Variants in SULT2B1 observed in about 807,000 individuals in gnomAD.
SULT2B1 encodes sulfotransferase 2B1.
A neutral mutation model predicts 33.2 loss-of-function variants in SULT2B1; 16 were observed. The observed-to-expected ratio is 0.48, with a 90% CI of 0.33 to 0.73. The LOEUF (loss-of-function observed/expected upper bound fraction) is 0.73. SULT2B1 is among the 30% of genes least tolerant of loss of function. SULT2B1 has a pLI of 0.02. For missense variants in SULT2B1, 500 were observed against 506.0 expected (o/e 0.99, Z 0.11); for synonymous variants, 186 against 200.5 (o/e 0.93, Z 0.61).
chr19:48,562,590 T>C (rs561611656), intron 1 of SULT2B1, among the ~76,000 whole-genome samples: 21 of 152,164 alleles, frequency 1.4e-4, no homozygotes, highest in African/African-American at 3.9e-4. Context: ...ATCATATGCA[T>C]GTTTATATGG....
At chr19:48,580,530 G>C (rs1285267559) in intron 2 of SULT2B1, among the ~76,000 whole-genome samples, 1 of 152,182 alleles carries the variant, frequency 6.6e-6, no homozygotes. Context: ...AAAGTGCTGG[G>C]ATTATAGGCG....
At chr19:48,593,530 CGACAGAGCAAGACCTTGTTCCAAAAAATA>C (rs1187581884) in intron 5 of SULT2B1, among the ~76,000 whole-genome samples, 8 of 151,724 alleles carry the variant, frequency 5.3e-5, no homozygotes, top group African/African-American at 1.9e-4. Flanking sequence ...CCAGCCTGGG[CGACAGAGCAAGACCTTGTTCCAAAAAATA>C]GAAAGAAAAA....
chr19:48,595,968 G>A (rs1973707880), intron 5 of SULT2B1: 2 of 152,648 alleles, frequency 1.3e-5, no homozygotes, highest in African/African-American at 4.8e-5. Context: ...ATCTGTGCTT[G>A]AAAGCCGGGT....
In SULT2B1 at chr19:48,587,890, CAAAAAAAAAAAAAA is replaced by C. The variant is rs67551728; in HGVS notation, c.423+473_423+486del. On this transcript the variant is annotated intron_variant, in intron 3 of 6. Transcript: ENST00000201586. ...CCTAGGCAACAGGGCAAGACTGTCT[CAAAAAAAAAAAAAA>C]AAAAAAAAAAAAAAAAAAAGCCGGT... 4.5e-4 allele frequency among the ~76,000 whole-genome samples: 18 copies of C among 39,908 alleles called. No individual in the cohort carries two copies. In the East Asian group the frequency reaches 0.015, roughly 34 times the overall value. 26.2% of individuals were successfully genotyped at this position (39,908 alleles called of 152,430 possible). A position where few individuals can be genotyped will look rare whatever the true frequency, so the allele number is the denominator to read the frequency against.
chr19:48,577,382 T>TA (rs1973428564), intron 2 of SULT2B1, among the ~76,000 whole-genome samples: 2 of 132,442 alleles, frequency 1.5e-5, no homozygotes, highest in Non-Finnish European at 3.1e-5. Flanking sequence ...TTTTTTTTTT[T>TA]AGAGACAGAG....
At chr19:48,578,067 G>C (rs2147613846) in intron 2 of SULT2B1, among the ~76,000 whole-genome samples, 1 of 151,142 alleles carries the variant, frequency 6.6e-6, no homozygotes, top group Non-Finnish European at 1.5e-5. Flanking sequence ...AAAAAAATTA[G>C]CCAGGCGTGG....
At chr19:48,575,801 G>A in intron 1 of SULT2B1, 140 bp from the exon 2 acceptor site, 1 of 1,438,330 alleles carries the variant, frequency 7.0e-7, no homozygotes, top group Non-Finnish European at 9.2e-7. Context: ...AGTTTATAGG[G>A]ACAGTGTCAC....
intron 2 of SULT2B1, 103 bp from the exon 3 acceptor site, chr19:48,587,126 A>C: frequency 3.4e-6 from 3 of 872,308 alleles, no homozygotes; most frequent in Non-Finnish European, 3.6e-6. Flanking sequence ...AAAAATAATA[A>C]AAGGTGGCAA....
chr19:48,561,489 A>G (rs553935174), intron 1 of SULT2B1, among the ~76,000 whole-genome samples: 2 of 152,028 alleles, frequency 1.3e-5, no homozygotes, highest in African/African-American at 4.8e-5. Flanking sequence ...AAATAAATAA[A>G]TAATAAAGGT....
Position 48,597,595 on chromosome 19 carries a change from G to A in SULT2B1, c.826+676G>A, listed in dbSNP as rs184286557. On this transcript the variant is annotated intron_variant, in intron 6 of 6. Transcript: ENST00000201586. ...CCTGACCTTGTGATCCACCCGCCTC[G>A]GCCTCCCAAAGTGCTGGGATTACAG... is the stretch of plus-strand genomic sequence containing the variant. Among the ~76,000 whole-genome samples, 169 of 148,654 alleles carry A rather than the reference G, an allele frequency of 1.1e-3. 2 individuals are homozygous for A. The East Asian group carries it at 0.031, about 27-fold the overall frequency.
At chr19:48,586,996 G>C (rs10424976) in intron 2 of SULT2B1, among the ~76,000 whole-genome samples, 26,623 of 151,806 alleles carry the variant, frequency 0.18, 2,949 homozygotes, top group African/African-American at 0.3. Context: ...TGTAATGCTA[G>C]CTACTCGGCT....
intron 3 of SULT2B1, among the ~76,000 whole-genome samples, chr19:48,590,616 A>G (rs540847735): frequency 6.6e-6 from 1 of 152,190 alleles, no homozygotes; most frequent in East Asian, 2.0e-4. Context: ...AAAACAAAAC[A>G]AAACAAAAAA....
At chr19:48,568,850 C>T (rs1317270645) in intron 1 of SULT2B1, among the ~76,000 whole-genome samples, 2 of 151,652 alleles carry the variant, frequency 1.3e-5, no homozygotes, top group Non-Finnish European at 2.9e-5. Flanking sequence ...CAGCTCCAGT[C>T]CCACTCAGGC....
intron 3 of SULT2B1, among the ~76,000 whole-genome samples, chr19:48,590,238 C>T (rs1188748595): frequency 6.6e-6 from 1 of 152,084 alleles, no homozygotes; most frequent in African/African-American, 2.4e-5. Context: ...ATCCACCCGC[C>T]TTAGCCTCCC....
chr19:48,561,430 AAAAT>A (rs201088504), intron 1 of SULT2B1, among the ~76,000 whole-genome samples: 2 of 151,048 alleles, frequency 1.3e-5, no homozygotes, highest in African/African-American at 2.4e-5. Context: ...ACACTGTCTC[AAAAT>A]AAATAAATAA....
At position 48,581,100 on chromosome 19, in the gene SULT2B1, G is replaced by C. The variant is rs889643456; in HGVS notation, c.214+5017G>C. 5.9e-4 allele frequency among the ~76,000 whole-genome samples: 76 copies of C among 128,500 alleles called. 1 individual carries two copies. In the Middle Eastern group the frequency reaches 0.014, roughly 24 times the overall value. 84.3% of individuals were successfully genotyped at this position (128,500 alleles called of 152,430 possible). ...TTCCCAGGCTGGAGTGCAATGGCGC[G>C]ATCTCAGCTCACTGTAACCTCCACC... is the stretch of plus-strand genomic sequence containing the variant. On this transcript the variant is annotated intron_variant, in intron 2 of 6. Transcript: ENST00000201586.
intron 3 of SULT2B1, chr19:48,591,404 G>C: frequency 2.3e-6 from 1 of 431,764 alleles, no homozygotes; most frequent in Non-Finnish European, 4.0e-6. Context: ...CCAGGAGGCA[G>C]AGGTTGCAAT....
intron 1 of SULT2B1, among the ~76,000 whole-genome samples, chr19:48,574,006 G>C (rs375050796): frequency 2.0e-5 from 3 of 152,236 alleles, no homozygotes; most frequent in East Asian, 3.9e-4. Flanking sequence ...GACTACACGT[G>C]TATGCTACCA....
At chr19:48,594,201 C>G (rs1464395325) in intron 5 of SULT2B1, among the ~76,000 whole-genome samples, 1 of 151,942 alleles carries the variant, frequency 6.6e-6, no homozygotes, top group African/African-American at 2.4e-5. Flanking sequence ...CTGGAGGTTG[C>G]GGTGAGCCAA....
Sources: allele counts gnomAD v4.1 joint callset (sites outside exome capture counted in the v4.1 genomes callset), GRCh38; gene constraint gnomAD v4.1.1; transcripts MANE v1.5; gene names NCBI Gene and HGNC (gene_info 2026-07-23, HGNC 2026-07-21).